Variants in GALNT2 observed in about 807,000 individuals in gnomAD.
GALNT2 encodes the protein polypeptide N-acetylgalactosaminyltransferase 2.
Under a neutral mutation model 81.4 loss-of-function variants are expected in GALNT2, and 31 were observed. The ratio of observed to expected loss-of-function variants is 0.38; its 90% confidence interval spans 0.29 to 0.51. The LOEUF (loss-of-function observed/expected upper bound fraction) is 0.51. Among genes scored for constraint, GALNT2 ranks in the 20% least tolerant of loss-of-function variants. The pLI, the probability that GALNT2 is intolerant of heterozygous loss-of-function variation, is 0.87. For synonymous variants in GALNT2, 303 were observed against 287.4 expected (o/e 1.05, Z -0.55); for missense variants, 629 against 765.7 (o/e 0.82, Z 2.11).
chr1:230,114,962 C>T (rs972691529), intron 1 of GALNT2, among the ~76,000 whole-genome samples: 4 of 151,004 alleles, frequency 2.6e-5, no homozygotes, highest in Non-Finnish European at 4.4e-5. Context: ...TACACTGACA[C>T]ATCCTTAAGT....
chr1:230,215,328 A>T (rs574902871), intron 3 of GALNT2, among the ~76,000 whole-genome samples: 1 of 152,336 alleles, frequency 6.6e-6, no homozygotes, highest in East Asian at 1.9e-4. Flanking sequence ...GTTTGGCTCT[A>T]TGCCGTTTGA....
At chr1:230,174,646 C>T (rs1191467994) in intron 1 of GALNT2, among the ~76,000 whole-genome samples, 1 of 152,116 alleles carries the variant, frequency 6.6e-6, no homozygotes, top group East Asian at 1.9e-4. Context: ...CCTAGCTGCA[C>T]CTGTCTCCGC....
chr1:230,137,012 A>G (rs149959360), intron 1 of GALNT2, among the ~76,000 whole-genome samples: 167 of 152,348 alleles, frequency 1.1e-3, no homozygotes, highest in African/African-American at 3.9e-3. Context: ...TCAGTGGGCT[A>G]TTCCGAAGCT....
At chr1:230,080,161 C>T (rs1027588519) in intron 1 of GALNT2, among the ~76,000 whole-genome samples, 2 of 152,146 alleles carry the variant, frequency 1.3e-5, no homozygotes, top group Non-Finnish European at 2.9e-5. Flanking sequence ...TGTACTGGCC[C>T]TGGAAGGATA....
At chr1:230,072,065 G>A (rs145343203) in intron 1 of GALNT2, among the ~76,000 whole-genome samples, 4 of 152,126 alleles carry the variant, frequency 2.6e-5, no homozygotes, top group South Asian at 2.1e-4. Context: ...CTTCAGACCC[G>A]CTGTCAGTTT....
chr1:230,132,100 A>G (rs575762314), intron 1 of GALNT2, among the ~76,000 whole-genome samples: 1 of 152,170 alleles, frequency 6.6e-6, no homozygotes, highest in Non-Finnish European at 1.5e-5. Context: ...CTTCTTCCCC[A>G]TGCTAGCCTT....
intron 1 of GALNT2, among the ~76,000 whole-genome samples, chr1:230,119,444 C>T (rs1050082579): frequency 6.6e-5 from 10 of 152,116 alleles, no homozygotes; most frequent in African/African-American, 2.4e-4. Flanking sequence ...GAGGGATGGG[C>T]GAGGCTGCTC....
chr1:230,190,467 T>C (rs1317728327), intron 2 of GALNT2, among the ~76,000 whole-genome samples: 2 of 152,248 alleles, frequency 1.3e-5, no homozygotes, highest in African/African-American at 4.8e-5. Context: ...TCCTGAGTTT[T>C]ATCCCACATT....
intron 2 of GALNT2, 27 bp from the exon 3 acceptor site, chr1:230,203,110 C>G (rs777222993): frequency 1.2e-6 from 2 of 1,605,802 alleles, no homozygotes; most frequent in Non-Finnish European, 8.5e-7. Context: ...TTTCCCTCAT[C>G]CCTACCCTCT....
intron 2 of GALNT2, among the ~76,000 whole-genome samples, chr1:230,188,331 A>G (rs935172160): frequency 3.9e-5 from 6 of 152,160 alleles, no homozygotes; most frequent in African/African-American, 1.4e-4. Context: ...TATAAAGTAT[A>G]CCACCCAAGT....
intron 1 of GALNT2, among the ~76,000 whole-genome samples, chr1:230,099,664 T>G (rs1021246435): frequency 1.3e-5 from 2 of 152,248 alleles, no homozygotes; most frequent in Admixed American, 6.5e-5. Flanking sequence ...GTGGCCCATT[T>G]AGCCATATTT....
chr1:230,230,181 A>T (rs1331055472), intron 3 of GALNT2, among the ~76,000 whole-genome samples: 1 of 152,166 alleles, frequency 6.6e-6, no homozygotes, highest in Non-Finnish European at 1.5e-5. Flanking sequence ...AATTTGTTGC[A>T]GTCTAAGACT....
At chr1:230,181,563 T>G (rs1663162045) in intron 2 of GALNT2, among the ~76,000 whole-genome samples, 1 of 152,144 alleles carries the variant, frequency 6.6e-6, no homozygotes, top group Non-Finnish European at 1.5e-5. Context: ...GTTTCCTTTT[T>G]TTTTTTTTAG....
At chr1:230,150,143 A>T (rs1662048030) in intron 1 of GALNT2, among the ~76,000 whole-genome samples, 1 of 152,218 alleles carries the variant, frequency 6.6e-6, no homozygotes, top group Non-Finnish European at 1.5e-5. Context: ...TGCGGAGCCC[A>T]TGAGTGGCTT....
In GALNT2 at chr1:230,120,077, C is replaced by T. The variant is rs538823206; in HGVS notation, c.126+52671C>T. Among the ~76,000 whole-genome samples the T allele has an allele frequency of 2.1e-4, 31 of 149,774 alleles. No homozygotes were observed. The South Asian group carries it at 6.7e-3, about 32-fold the overall frequency. On this transcript the variant is annotated intron_variant, in intron 1 of 15. Transcript: ENST00000366672. ...GGCGGCCTGCTTTCCTGTTCCTCCC[C>T]TGTGCCCTCGGCACCTGGCCGGAGC...
At chr1:230,198,495 C>T (rs1349589435) in intron 2 of GALNT2, among the ~76,000 whole-genome samples, 1 of 149,290 alleles carries the variant, frequency 6.7e-6, no homozygotes, top group East Asian at 2.0e-4. Context: ...CAGGAGCGTA[C>T]GAGGAGTGGC....
intron 2 of GALNT2, among the ~76,000 whole-genome samples, chr1:230,197,612 T>C (rs1445642282): frequency 2.0e-5 from 3 of 152,144 alleles, no homozygotes; most frequent in African/African-American, 4.8e-5. Context: ...TAGTTAGTAG[T>C]GTAGGACTTT....
chr1:230,236,609 G>T, intron 5 of GALNT2, 51 bp from the exon 6 acceptor site: 1 of 1,565,890 alleles, frequency 6.4e-7, no homozygotes, highest in Non-Finnish European at 8.7e-7. Flanking sequence ...TGAATGCAAA[G>T]CCCTTTATGA....
chr1:230,059,098 A>C (rs1171374897), intron 1 of GALNT2, among the ~76,000 whole-genome samples: 1 of 152,160 alleles, frequency 6.6e-6, no homozygotes, highest in African/African-American at 2.4e-5. Context: ...TCCCCCTTTA[A>C]AGTATTTTAG....
Sources: allele counts gnomAD v4.1 joint callset (sites outside exome capture counted in the v4.1 genomes callset), GRCh38; gene constraint gnomAD v4.1.1; transcripts MANE v1.5; gene names NCBI Gene and HGNC (gene_info 2026-07-23, HGNC 2026-07-21).